Variants in PTPRE observed in about 807,000 individuals in gnomAD.
PTPRE encodes the protein protein tyrosine phosphatase receptor type E, also known as receptor-type tyrosine-protein phosphatase epsilon.
PTPRE carries 51 observed loss-of-function variants against 102.0 expected under a neutral mutation model. The ratio of observed to expected loss-of-function variants is 0.50; its 90% CI spans 0.40 to 0.63. PTPRE has a LOEUF of 0.63. Ranked by LOEUF, PTPRE falls within the 30% of genes least tolerant of loss-of-function variation. The pLI is 0.00. For missense variants in PTPRE, 752 were observed against 915.1 expected (o/e 0.82, Z 2.30); for synonymous variants, 345 against 348.2 (o/e 0.99, Z 0.10).
At chr10:127,916,173 C>T (rs932150730) in intron 1 of PTPRE, among the ~76,000 whole-genome samples, 3 of 152,122 alleles carry the variant, frequency 2.0e-5, no homozygotes, top group Non-Finnish European at 4.4e-5. Flanking sequence ...TCTGTGTCCC[C>T]ACCCAAATCT....
intron 2 of PTPRE, among the ~76,000 whole-genome samples, chr10:128,006,808 A>G (rs1031093264): frequency 6.6e-6 from 1 of 152,206 alleles, no homozygotes; most frequent in African/African-American, 2.4e-5. Flanking sequence ...CTTTTATACC[A>G]GAAGAAAAGT....
At chr10:128,072,029 G>C (rs11016049) in intron 15 of PTPRE, 109 bp from the exon 16 acceptor site, 102,298 of 781,028 alleles carry the variant, frequency 0.13, 7,792 homozygotes, top group East Asian at 0.24. Context: ...TTGGCTTTAC[G>C]TAGTGATTTT....
chr10:127,944,445 CAGAT>C lies in PTPRE; in HGVS notation c.-31+37137_-31+37140del, dbSNP rs1434670629. ...ATGGATAAGTGGATGGATGGATGGA[CAGAT>C]GGATGGATACATGGACAGACGGATG... is the stretch of plus-strand genomic sequence containing the variant. On this transcript the variant is annotated intron_variant, in intron 1 of 20. Transcript: ENST00000254667. The surrounding 1 kb of genome is among the most constrained non-coding windows in gnomAD (Gnocchi z 4.2). Among the ~76,000 whole-genome samples the C allele has an allele frequency of 7.6e-6, 1 of 130,874 alleles. No homozygotes were observed. The highest frequency in any genetic ancestry group is 2.5e-4 in the South Asian group (1 of 4,004). The allele number at this position is 130,874 out of a possible 152,430, so 85.9% of individuals were successfully genotyped here.
chr10:128,001,552 G>A lies in PTPRE; in HGVS notation c.-8+19256G>A, dbSNP rs554883290. Among the ~76,000 whole-genome samples the A allele has an allele frequency of 7.2e-5, 11 of 152,212 alleles. No individual in the cohort carries two copies. In the East Asian group the frequency reaches 7.7e-4, roughly 11 times the overall value. ...CTGTGTGGTTCAGTGGCCTGCCCTC[G>A]TCCCCAAGAGTGCCTCCTACTTCAA... On this transcript the variant is annotated intron_variant, in intron 2 of 20. Transcript: ENST00000254667.
At chr10:128,024,353 G>T (rs1002898559) in intron 2 of PTPRE, among the ~76,000 whole-genome samples, 5 of 152,228 alleles carry the variant, frequency 3.3e-5, no homozygotes, top group Non-Finnish European at 7.3e-5. Context: ...CATTGGGCTT[G>T]TTGGTTGTTG....
Position 127,969,843 on chromosome 10 carries a change from G to A in PTPRE, c.-30-12431G>A, listed in dbSNP as rs372021308. 5.8e-3 allele frequency among the ~76,000 whole-genome samples: 890 copies of A among 152,208 alleles called. 7 individuals are homozygous for A. Among genetic ancestry groups the A allele is most frequent in the South Asian group, 0.018 (88 of 4,818 alleles). On this transcript the variant is annotated intron_variant, in intron 1 of 20. Coordinates refer to ENST00000254667, the MANE Select transcript of PTPRE (RefSeq NM_006504.6). The stretch of plus-strand genomic sequence containing the variant: ...GTGTGAGATGCTGGCACGTGCCTCC[G>A]GCACTTCATGAAGGAGGCTGTTGGT...
intron 2 of PTPRE, among the ~76,000 whole-genome samples, chr10:128,003,914 G>C (rs1262716746): frequency 6.6e-6 from 1 of 151,996 alleles, no homozygotes; most frequent in African/African-American, 2.4e-5. Flanking sequence ...TCACCCCATT[G>C]GCAACACCCC....
intron 2 of PTPRE, among the ~76,000 whole-genome samples, chr10:127,986,136 T>C (rs1852073260): frequency 6.6e-6 from 1 of 152,186 alleles, no homozygotes; most frequent in South Asian, 2.1e-4. Flanking sequence ...GTCAAGTCTT[T>C]TTTCCTGTTA....
Position 128,038,109 on chromosome 10 carries a change from T to A in PTPRE, c.-7-2766T>A, listed in dbSNP as rs746354572. Among the ~76,000 whole-genome samples the A allele has an allele frequency of 2.0e-5, 3 of 152,092 alleles. 1 individual carries two copies. The highest frequency in any genetic ancestry group is 4.8e-5 in the African/African-American group (2 of 41,418). On this transcript the variant is annotated intron_variant, in intron 2 of 20. Coordinates refer to ENST00000254667, the MANE Select transcript of PTPRE (RefSeq NM_006504.6). The stretch of plus-strand genomic sequence containing the variant: ...AGCCACCGCGTCTGGCCCAGCATGA[T>A]TTTAATCACTGTTTCAAGCATCATT...
At chr10:127,986,869 T>C (rs1282878227) in intron 2 of PTPRE, among the ~76,000 whole-genome samples, 1 of 152,244 alleles carries the variant, frequency 6.6e-6, no homozygotes, top group Non-Finnish European at 1.5e-5. Flanking sequence ...GTGAGAAGCC[T>C]GGTGGGCAGA....
chr10:127,958,126 T>C (rs1254237845), intron 1 of PTPRE, among the ~76,000 whole-genome samples: 3 of 152,212 alleles, frequency 2.0e-5, no homozygotes, highest in Non-Finnish European at 4.4e-5. Context: ...ACATAGATAA[T>C]CATGTAATCT....
intron 1 of PTPRE, among the ~76,000 whole-genome samples, chr10:127,923,754 A>G (rs1403106832): frequency 1.3e-5 from 2 of 152,194 alleles, no homozygotes; most frequent in African/African-American, 4.8e-5. Context: ...TGGAGACACA[A>G]TCTTCCTTTA....
At chr10:128,082,167 A>G (rs1851765266) in intron 20 of PTPRE, among the ~76,000 whole-genome samples, 1 of 141,900 alleles carries the variant, frequency 7.0e-6, no homozygotes, top group African/African-American at 2.6e-5. Context: ...TTATCTGGCA[A>G]TGTTAGTACT....
chr10:127,981,957 C>T (rs116038729), intron 1 of PTPRE, among the ~76,000 whole-genome samples: 6,740 of 152,216 alleles, frequency 0.044, 403 homozygotes, highest in African/African-American at 0.14. Context: ...AAAGGAACTA[C>T]TTGAAGGGGA....
chr10:128,039,732 G>A (rs1309599751), intron 2 of PTPRE, among the ~76,000 whole-genome samples: 1 of 151,706 alleles, frequency 6.6e-6, no homozygotes, highest in Admixed American at 6.6e-5. Flanking sequence ...GAGGCCTCAG[G>A]CAGGAGGGCT....
intron 2 of PTPRE, among the ~76,000 whole-genome samples, chr10:127,996,186 A>G (rs775121034): frequency 6.6e-5 from 10 of 152,248 alleles, no homozygotes; most frequent in Non-Finnish European, 1.0e-4. Context: ...TAAGAAGGAC[A>G]TGCAATGTCA....
chr10:127,937,275 T>G (rs1365658956), intron 1 of PTPRE, among the ~76,000 whole-genome samples: 2 of 152,238 alleles, frequency 1.3e-5, no homozygotes, highest in Non-Finnish European at 2.9e-5. Context: ...CATCTCTTCA[T>G]GAGTCACTTG....
chr10:128,002,123 G>T (rs1178201120), intron 2 of PTPRE, among the ~76,000 whole-genome samples: 2 of 152,312 alleles, frequency 1.3e-5, no homozygotes, highest in East Asian at 3.9e-4. Context: ...GACCTCCGGG[G>T]CAGCCACGGT....
chr10:128,072,001 C>T (rs533617636), intron 15 of PTPRE, 137 bp from the exon 16 acceptor site: 12 of 639,592 alleles, frequency 1.9e-5, no homozygotes, highest in East Asian at 5.7e-5. Context: ...TCTCTCATAA[C>T]GTAAACTTTC....
Sources: gnomAD v4.1 joint callset for allele counts (sites outside exome capture counted in the v4.1 genomes callset) on GRCh38, gnomAD v4.1.1 for gene constraint, Gnocchi (gnomAD v3.1) non-coding constraint, MANE v1.5 for transcripts, NCBI Gene and HGNC (gene_info 2026-07-23, HGNC 2026-07-21) for gene names.